ZBTB11: variants seen among roughly 807,000 people sequenced by gnomAD.
ZBTB11 encodes the protein zinc finger and BTB domain containing 11, also known as zinc finger and BTB domain-containing protein 11.
ZBTB11 carries 68 observed loss-of-function variants against 113.1 expected under a neutral mutation model. That is an observed-to-expected ratio of 0.60 (90% CI 0.49 to 0.74). The LOEUF (loss-of-function observed/expected upper bound fraction) is 0.74. ZBTB11 is among the 30% of genes least tolerant of loss of function. The pLI is 0.00. For missense variants in ZBTB11, 1,104 were observed against 1,279.4 expected (o/e 0.86, Z 2.09); for synonymous variants, 518 against 452.6 (o/e 1.14, Z -1.83).
chr3:101,672,481 T>C (rs1473110375), intron 1 of ZBTB11, among the ~76,000 whole-genome samples: 3 of 152,242 alleles, frequency 2.0e-5, no homozygotes, highest in Admixed American at 1.3e-4. Flanking sequence ...GCTCCACCCA[T>C]TTTCATGTGA....
Position 101,652,182 on chromosome 3 carries a change from C to T in ZBTB11, c.2644+314G>A, listed in dbSNP as rs549259704. On this transcript the variant is annotated intron_variant, in intron 10 of 10. Transcript: ENST00000312938. Reference sequence around the variant, plus strand: ...AACTATAAATCTCTCTAAAGATCTTCCTGCGGACAGATGTGATTGAGACAA... The same window carrying T: ...AACTATAAATCTCTCTAAAGATCTTTCTGCGGACAGATGTGATTGAGACAA... 5.3e-5 allele frequency among the ~76,000 whole-genome samples: 8 copies of T among 152,086 alleles called. No individual in the cohort carries two copies. In the South Asian group the frequency reaches 1.7e-3, roughly 32 times the overall value.
At chr3:101,670,177 T>C (rs1372517454) in intron 3 of ZBTB11, among the ~76,000 whole-genome samples, 1 of 152,198 alleles carries the variant, frequency 6.6e-6, no homozygotes, top group African/African-American at 2.4e-5. Context: ...GAAAAATGTA[T>C]CTTCCCAGAA....
chr3:101,657,304 G>A (rs867033968), intron 6 of ZBTB11, among the ~76,000 whole-genome samples: 80 of 151,760 alleles, frequency 5.3e-4, no homozygotes, highest in African/African-American at 1.8e-3. Context: ...TCAGGAGTTC[G>A]AGACTGGCCT....
At chr3:101,663,708 T>C (rs1376157701) in intron 5 of ZBTB11, among the ~76,000 whole-genome samples, 1 of 152,114 alleles carries the variant, frequency 6.6e-6, no homozygotes, top group East Asian at 1.9e-4. Flanking sequence ...CTGGCCAACA[T>C]GGTGAAACCC....
intron 5 of ZBTB11, 87 bp downstream of exon 5, chr3:101,664,451 A>G: frequency 7.5e-7 from 1 of 1,329,442 alleles, no homozygotes; most frequent in South Asian, 1.5e-5. Context: ...AAGACATAGA[A>G]TACAAGCGAA....
intron 1 of ZBTB11, among the ~76,000 whole-genome samples, chr3:101,673,962 A>T (rs1367537159): frequency 6.6e-6 from 1 of 152,158 alleles, no homozygotes; most frequent in Non-Finnish European, 1.5e-5. Flanking sequence ...TTATTATTAG[A>T]ACCTCTGACT....
chr3:101,671,118 CA>C lies in ZBTB11; in HGVS notation c.778+11del. ...TTACAAACAAAAAGCAAGAGTAATA[CA>C]AAACCCTTACCAGAAAGATCCACCA... On this transcript the variant is annotated intron_variant, in intron 3 of 10. Transcript: ENST00000312938. 1.2e-6 allele frequency: 2 copies of C among 1,607,676 alleles called. No homozygotes were observed. The highest frequency in any genetic ancestry group is 1.7e-6 in the Non-Finnish European group (2 of 1,174,956).
intron 1 of ZBTB11, among the ~76,000 whole-genome samples, chr3:101,673,450 T>C (rs546051104): frequency 4.6e-5 from 7 of 152,008 alleles, no homozygotes; most frequent in Non-Finnish European, 7.4e-5. Flanking sequence ...GGTAAAATGA[T>C]AGAGGTATGG....
chr3:101,651,095 G>C lies in ZBTB11; in HGVS notation c.*71C>G. ...TAAACTCCAAGCAGACAGTCACACA[G>C]AATTGTAAACAAATGTTCTGTGAGT... On this transcript the variant is annotated 3_prime_UTR_variant, in exon 11 of 11. Transcript: ENST00000312938. 6.8e-7 allele frequency: 1 copy of C among 1,476,882 alleles called. No individual in the cohort carries two copies. The highest frequency in any genetic ancestry group is 9.0e-7 in the Non-Finnish European group (1 of 1,109,916). The allele number at this position is 1,476,882 out of a possible 1,614,324, so 91.5% of individuals were successfully genotyped here.
chr3:101,669,392 A>C (rs1937049073), intron 3 of ZBTB11, among the ~76,000 whole-genome samples: 1 of 152,238 alleles, frequency 6.6e-6, no homozygotes, highest in South Asian at 2.1e-4. Flanking sequence ...TGATTGGCTT[A>C]CATAATACTT....
At chr3:101,654,060 G>A (rs1179404321) in intron 8 of ZBTB11, among the ~76,000 whole-genome samples, 3 of 149,868 alleles carry the variant, frequency 2.0e-5, no homozygotes, top group Non-Finnish European at 4.4e-5. Context: ...TTTTTTTTGA[G>A]GCGGAGACTC....
Position 101,672,053 on chromosome 3 carries a change from G to A in ZBTB11, c.471C>T (p.Ser157=), listed in dbSNP as rs761171340. The change falls in exon 2 of 11, where the codon AGC becomes AGT. Residue 157 remains serine (S), a synonymous_variant. Coordinates refer to ENST00000312938, the MANE Select transcript of ZBTB11 (RefSeq NM_014415.4). ...EESNESEDDL[S]NFTSSPTTAS... ...CTGTAGTTGGAGATGAAGTAAAGTT[G>A]CTCAGGTCATCTTCCGATTCATTAC... 2.7e-5 allele frequency: 44 copies of A among 1,614,018 alleles called. No individual in the cohort carries two copies. Among genetic ancestry groups the A allele is most frequent in the African/African-American group, 4.0e-5 (3 of 74,914 alleles).
In ZBTB11 at chr3:101,651,427, G is replaced by T; in HGVS notation, c.2901C>A (p.Ile967=). 1 of 1,614,168 alleles carries T rather than the reference G, an allele frequency of 6.2e-7. No homozygotes were observed. Among genetic ancestry groups the T allele is most frequent in the Non-Finnish European group, 8.5e-7 (1 of 1,180,030 alleles). ...CTTGTTCCTGCATGCCTGCTGTTAA[G>T]ATGCTAACAGCATGTGCCACTTGAG... ...QGTQVAHAVS[I]LTAGMQEQES... Residue 967 remains isoleucine, a synonymous_variant, in exon 11 of 11, where the codon ATC becomes ATA. Transcript: ENST00000312938.
rs1254707544 is a variant in ZBTB11, at chr3:101,677,121, C to T, written c.-207G>A. 2 of 558,544 alleles carry T rather than the reference C, an allele frequency of 3.6e-6. No homozygotes were observed. Among genetic ancestry groups the T allele is most frequent in the South Asian group, 2.6e-5 (1 of 38,250 alleles). 34.6% of individuals were successfully genotyped at this position (558,544 alleles called of 1,614,324 possible). On this transcript the variant is annotated 5_prime_UTR_variant, in exon 1 of 11. Transcript: ENST00000312938. The stretch of plus-strand genomic sequence containing the variant: ...ACTGCACTTCTCCAGCGCGCGGGAT[C>T]CGCTGGCGACTGACAAAATGGCTGC...
chr3:101,666,454 G>A (rs746906191), intron 3 of ZBTB11, among the ~76,000 whole-genome samples: 1 of 152,166 alleles, frequency 6.6e-6, no homozygotes, highest in South Asian at 2.1e-4. Flanking sequence ...TTACAAAAGC[G>A]GAAGGAGGGA....
rs1193990518 is a variant in ZBTB11 at position 101,651,491 on chromosome 3, A to G, written c.2837T>C (p.Met946Thr). ...FHRDYVPCKI[M>T]LEKDTLQFHN... is the part of the protein sequence containing the mutation. ...AAACTGAAGGGTGTCTTTTTCCAGC[A>G]TAATTTTGCAAGGCACATAGTCTCT... Residue 946 changes from methionine (M) to threonine (T), a missense_variant, in exon 11 of 11, where the codon ATG becomes ACG. By Grantham distance (81) the Met-to-Thr change is moderately conservative. This residue lies in a region of ZBTB11 where 148 missense variants were observed against 259.3 expected (regional missense o/e 0.57). Transcript: ENST00000312938. The G allele has an allele frequency of 1.2e-6, 2 of 1,614,122 alleles. No individual in the cohort carries two copies. Among genetic ancestry groups the G allele is most frequent in the Admixed American group, 3.3e-5 (2 of 60,028 alleles).
intron 1 of ZBTB11, among the ~76,000 whole-genome samples, chr3:101,676,034 C>G (rs1005165858): frequency 1.3e-5 from 2 of 152,246 alleles, no homozygotes; most frequent in Non-Finnish European, 2.9e-5. Flanking sequence ...TTCTCAATCA[C>G]TCCTTATCAC....
intron 5 of ZBTB11, among the ~76,000 whole-genome samples, chr3:101,661,096 T>G (rs1320627262): frequency 6.6e-6 from 1 of 151,920 alleles, no homozygotes; most frequent in Non-Finnish European, 1.5e-5. Context: ...TAGCCGAGCA[T>G]TATGGTGCAT....
intron 6 of ZBTB11, 75 bp downstream of exon 6, chr3:101,659,708 T>A: frequency 6.5e-7 from 1 of 1,543,064 alleles, no homozygotes; most frequent in Non-Finnish European, 8.8e-7. Flanking sequence ...AGAATACATA[T>A]CCCACCAGTC....
Sources: allele counts gnomAD v4.1 joint callset (sites outside exome capture counted in the v4.1 genomes callset), GRCh38; gene constraint gnomAD v4.1.1; regional missense constraint gnomAD v4.1.1; transcripts MANE v1.5; gene names NCBI Gene and HGNC (gene_info 2026-07-23, HGNC 2026-07-21).